SLC5A8: variants seen among roughly 807,000 people sequenced by gnomAD.
The protein encoded by SLC5A8 is solute carrier family 5 member 8.
A neutral mutation model predicts 71.9 loss-of-function variants in SLC5A8; 55 were observed. That is an observed-to-expected ratio of 0.77 (90% CI 0.62 to 0.96). SLC5A8 has a LOEUF of 0.96. Among genes scored for constraint, SLC5A8 ranks in the 40% least tolerant of loss-of-function variants. SLC5A8 has a pLI of 0.00. For synonymous variants in SLC5A8, 307 were observed against 276.1 expected (o/e 1.11, Z -1.11); for missense variants, 701 against 745.3 (o/e 0.94, Z 0.69).
intron 10 of SLC5A8, among the ~76,000 whole-genome samples, chr12:101,171,792 G>C (rs1048774665): frequency 1.3e-5 from 2 of 152,182 alleles, no homozygotes; most frequent in African/African-American, 4.8e-5. Context: ...GGTGGAGGCT[G>C]TCAGTGACCT....
chr12:101,168,241 A>C (rs1366894426), intron 10 of SLC5A8, 59 bp from the exon 11 acceptor site: 1 of 1,478,324 alleles, frequency 6.8e-7, no homozygotes, highest in African/African-American at 1.4e-5. Flanking sequence ...CAAATATTTC[A>C]AAGTCATTTC....
rs1220228378 is a variant in SLC5A8, at chr12:101,166,837, C to G, written c.1321-138G>C. 17 of 691,752 alleles carry G rather than the reference C, an allele frequency of 2.5e-5. No homozygotes were observed. In the Middle Eastern group the frequency reaches 1.1e-3, roughly 46 times the overall value. The allele number at this position is 691,752 out of a possible 1,614,324, so 42.9% of individuals were successfully genotyped here. On this transcript the variant is annotated intron_variant, in intron 11 of 14. Coordinates refer to ENST00000536262, the MANE Select transcript of SLC5A8 (RefSeq NM_145913.5). ...AGAAACATTCAACGCTCTCTCCTCC[C>G]AAGATAGTGCTCAGCCCATAAAAAT...
chr12:101,209,387 G>A, intron 1 of SLC5A8, 111 bp downstream of exon 1: 1 of 759,698 alleles, frequency 1.3e-6, no homozygotes, highest in Non-Finnish European at 2.1e-6. Flanking sequence ...GATGGACGGG[G>A]AGAGATTTCG....
chr12:101,181,085 A>T (rs112667213), intron 9 of SLC5A8, among the ~76,000 whole-genome samples: 1,661 of 152,326 alleles, frequency 0.011, 18 homozygotes, highest in South Asian at 0.029. Flanking sequence ...ATACAGAAAA[A>T]AAATGAATGG....
intron 3 of SLC5A8, among the ~76,000 whole-genome samples, chr12:101,197,178 A>G (rs1405558979): frequency 6.6e-6 from 1 of 152,242 alleles, no homozygotes; most frequent in African/African-American, 2.4e-5. Context: ...AAAATCTGAC[A>G]TTTATCCTCC....
chr12:101,171,214 T>C (rs903809015), intron 10 of SLC5A8, among the ~76,000 whole-genome samples: 2 of 152,138 alleles, frequency 1.3e-5, no homozygotes, highest in Non-Finnish European at 2.9e-5. Context: ...AGGGTAAGCT[T>C]TGTTCCAAGG....
intron 3 of SLC5A8, among the ~76,000 whole-genome samples, chr12:101,195,504 C>T (rs992317900): frequency 9.2e-5 from 14 of 152,050 alleles, no homozygotes; most frequent in African/African-American, 3.4e-4. Flanking sequence ...AATAAACACT[C>T]TATTTTTATG....
In SLC5A8 at chr12:101,157,157, A is replaced by T; in HGVS notation, c.*122T>A. 1 of 1,203,466 alleles carries T rather than the reference A, an allele frequency of 8.3e-7. No individual in the cohort carries two copies. The highest frequency in any genetic ancestry group is 2.1e-5 in the South Asian group (1 of 46,964). 74.5% of individuals were successfully genotyped at this position (1,203,466 alleles called of 1,614,324 possible). On this transcript the variant is annotated 3_prime_UTR_variant, in exon 15 of 15. Coordinates refer to ENST00000536262, the MANE Select transcript of SLC5A8 (RefSeq NM_145913.5). ...TAGTCCAGACTTTGTTTTAACAAAA[A>T]CTTATCCCCCAAACACTCATGATAC...
intron 5 of SLC5A8, 108 bp from the exon 6 acceptor site, chr12:101,190,716 A>G: frequency 1.3e-6 from 1 of 746,822 alleles, no homozygotes; most frequent in Non-Finnish European, 1.9e-6. Context: ...TACACAACAC[A>G]TACATAAATA....
intron 10 of SLC5A8, among the ~76,000 whole-genome samples, chr12:101,169,960 G>A (rs1270022886): frequency 1.3e-5 from 2 of 152,174 alleles, no homozygotes; most frequent in Non-Finnish European, 2.9e-5. Context: ...TTTAGCAGAA[G>A]GGAATGCAAA....
chr12:101,202,847 T>C (rs963879509), intron 2 of SLC5A8, among the ~76,000 whole-genome samples: 4 of 152,202 alleles, frequency 2.6e-5, no homozygotes, highest in African/African-American at 7.2e-5. Context: ...AATGTAATTT[T>C]GATTGCACTT....
chr12:101,159,980 G>A (rs1207389173), intron 13 of SLC5A8, among the ~76,000 whole-genome samples: 5 of 152,160 alleles, frequency 3.3e-5, no homozygotes, highest in African/African-American at 9.7e-5. Flanking sequence ...TCAGGAGTTC[G>A]AGACCAGCCT....
rs1311710124 is a variant in SLC5A8 at position 101,160,158 on chromosome 12, G to C, written c.1630+1816C>G. Reference sequence around the variant, plus strand: ...GATCGCACCACTGTACTCCAGCCTGGGCAAAAGAGCGAGATTCCATCTCAA... The same window carrying C: ...GATCGCACCACTGTACTCCAGCCTGCGCAAAAGAGCGAGATTCCATCTCAA... On this transcript the variant is annotated intron_variant, in intron 13 of 14. Coordinates refer to ENST00000536262, the MANE Select transcript of SLC5A8 (RefSeq NM_145913.5). Among the ~76,000 whole-genome samples the C allele has an allele frequency of 2.6e-5, 4 of 152,132 alleles. No individual in the cohort carries two copies. The East Asian group carries it at 7.7e-4, about 29-fold the overall frequency.
intron 10 of SLC5A8, among the ~76,000 whole-genome samples, chr12:101,174,100 G>A (rs566473989): frequency 2.6e-5 from 4 of 152,276 alleles, no homozygotes; most frequent in East Asian, 1.9e-4. Flanking sequence ...GGAGTGTTCC[G>A]GAGGGCTTCA....
intron 11 of SLC5A8, 65 bp from the exon 12 acceptor site, chr12:101,166,764 TAGAA>T: frequency 7.0e-7 from 1 of 1,431,218 alleles, no homozygotes; most frequent in South Asian, 1.4e-5. Flanking sequence ...AAATTAATAT[TAGAA>T]AGCCAAGTTC....
chr12:101,190,387 G>T, intron 6 of SLC5A8, 81 bp downstream of exon 6: 1 of 1,463,742 alleles, frequency 6.8e-7, no homozygotes, highest in Non-Finnish European at 9.3e-7. Context: ...ACATAAAGGA[G>T]CTAAACGTGA....
intron 10 of SLC5A8, among the ~76,000 whole-genome samples, chr12:101,175,604 A>AAAAAC (rs749179343): frequency 2.6e-5 from 4 of 152,052 alleles, no homozygotes; most frequent in East Asian, 1.9e-4. Context: ...AAACTAAAGA[A>AAAAAC]AAAACAAAAC....
rs559942781 is a variant in SLC5A8 at position 101,194,060 on chromosome 12, C to T, written c.538-281G>A. Among the ~76,000 whole-genome samples the T allele has an allele frequency of 7.9e-5, 12 of 152,204 alleles. 1 individual carries two copies. The highest frequency in any genetic ancestry group is 4.1e-4 in the South Asian group (2 of 4,824). ...AAACTACATGGCATGCTGAATGGGGCCAGATACATTCCACAGAATAAAGTG... is the reference window on the plus strand; with the variant it reads ...AAACTACATGGCATGCTGAATGGGGTCAGATACATTCCACAGAATAAAGTG... On this transcript the variant is annotated intron_variant, in intron 4 of 14. Transcript: ENST00000536262.
intron 10 of SLC5A8, among the ~76,000 whole-genome samples, chr12:101,171,934 G>A (rs1376536626): frequency 6.6e-6 from 1 of 152,206 alleles, no homozygotes. Flanking sequence ...GCAGGTGAAA[G>A]GAGTTGAATG....
Sources: allele counts gnomAD v4.1 joint callset (sites outside exome capture counted in the v4.1 genomes callset), GRCh38; gene constraint gnomAD v4.1.1; transcripts MANE v1.5; gene names NCBI Gene and HGNC (gene_info 2026-07-23, HGNC 2026-07-21).